Variants in CRCP observed in about 807,000 individuals in gnomAD.
CRCP encodes the protein CGRP receptor component, also known as DNA-directed RNA polymerase III subunit RPC9.
CRCP carries 18 observed loss-of-function variants against 18.5 expected under a neutral mutation model. That is an observed-to-expected ratio of 0.97 (90% confidence interval 0.67 to 1.44). The LOEUF is 1.44. Among genes scored for constraint, CRCP ranks in the 40% most tolerant of loss-of-function variants. CRCP has a pLI of 0.00. For missense variants in CRCP, 130 were observed against 176.4 expected, an observed-to-expected ratio of 0.74 and a Z score of 1.49; for synonymous variants, 53 against 62.9, an observed-to-expected ratio of 0.84 and a Z score of 0.75.
chr7:66,146,358 T>C (rs185562287), intron 5 of CRCP, among the ~76,000 whole-genome samples: 359 of 152,084 alleles, frequency 2.4e-3, no homozygotes, highest in Non-Finnish European at 3.6e-3. Context: ...GGGCCACCAC[T>C]GGGCACGCTG....
chr7:66,148,779 C>T (rs531128823), intron 5 of CRCP, among the ~76,000 whole-genome samples: 187 of 152,360 alleles, frequency 1.2e-3, no homozygotes, highest in African/African-American at 3.6e-3. Flanking sequence ...TTAGTGATTT[C>T]GTGATTATGA....
intron 5 of CRCP, among the ~76,000 whole-genome samples, chr7:66,147,425 G>T (rs1056510740): frequency 6.6e-6 from 1 of 151,932 alleles, no homozygotes; most frequent in African/African-American, 2.4e-5. Context: ...CTGTCACTTC[G>T]AATGCCCGCC....
In CRCP at chr7:66,153,476, A is replaced by G. The variant is rs1056321519; in HGVS notation, c.*1119A>G. ...ATATTAAGATGATTACCATGTGAAAACCTTTTTAATATTCAGGATTTGGAA... is the reference window on the plus strand; with the variant it reads ...ATATTAAGATGATTACCATGTGAAAGCCTTTTTAATATTCAGGATTTGGAA... On this transcript the variant is annotated 3_prime_UTR_variant, in exon 6 of 6. Transcript: ENST00000395326. The G allele has an allele frequency of 2.0e-5, 3 of 151,880 alleles. No homozygotes were observed. Among genetic ancestry groups the G allele is most frequent in the Admixed American group, 6.6e-5 (1 of 15,230 alleles). 9.4% of individuals were successfully genotyped at this position (151,880 alleles called of 1,614,324 possible).
intron 4 of CRCP, among the ~76,000 whole-genome samples, chr7:66,141,374 C>T (rs1270088308): frequency 3.3e-5 from 5 of 152,044 alleles, no homozygotes; most frequent in East Asian, 1.9e-4. Context: ...CCTCGCCCAC[C>T]CTGCTGCCCG....
intron 1 of CRCP, among the ~76,000 whole-genome samples, chr7:66,115,715 T>C (rs1787239768): frequency 6.6e-6 from 1 of 152,220 alleles, no homozygotes; most frequent in Admixed American, 6.6e-5. Flanking sequence ...TGTGTTCTCT[T>C]TGAACTGATT....
At position 66,154,177 on chromosome 7, in the gene CRCP, CTCTCT is replaced by C. The variant is rs1788547333; in HGVS notation, c.*1822_*1826del. On this transcript the variant is annotated 3_prime_UTR_variant, in exon 6 of 6. Transcript: ENST00000395326. Reference sequence around the variant, plus strand: ...GTGCCAATCTGTCTCATTGTTGTCTCTCTCTTTTTTTTTTTTTTTTTTGAGACAGT... The same window carrying C: ...GTGCCAATCTGTCTCATTGTTGTCTCTTTTTTTTTTTTTTTTTGAGACAGT... 2 of 135,740 alleles carry C rather than the reference CTCTCT, an allele frequency of 1.5e-5. No individual in the cohort carries two copies. Among genetic ancestry groups the C allele is most frequent in the South Asian group, 2.3e-4 (1 of 4,384 alleles). 8.4% of individuals were successfully genotyped at this position (135,740 alleles called of 1,614,324 possible). A position where few individuals can be genotyped will look rare whatever the true frequency, so the allele number is the denominator to read the frequency against.
chr7:66,123,449 C>A (rs545683409), intron 1 of CRCP, among the ~76,000 whole-genome samples: 33 of 152,226 alleles, frequency 2.2e-4, no homozygotes, highest in African/African-American at 7.7e-4. Flanking sequence ...GTTCTAATAG[C>A]TCTAAAAAAC....
intron 4 of CRCP, among the ~76,000 whole-genome samples, chr7:66,135,835 C>T (rs1462459126): frequency 5.3e-5 from 8 of 152,034 alleles, no homozygotes; most frequent in South Asian, 2.1e-4. Flanking sequence ...GCAGGAGAAT[C>T]GCTTGAACCT....
intron 3 of CRCP, among the ~76,000 whole-genome samples, chr7:66,132,693 A>G (rs1027917830): frequency 6.6e-6 from 1 of 152,082 alleles, no homozygotes; most frequent in Admixed American, 6.6e-5. Flanking sequence ...AGGCAGGCGG[A>G]TCACAAGGTC....
intron 4 of CRCP, among the ~76,000 whole-genome samples, chr7:66,142,753 T>C (rs1165573475): frequency 6.6e-6 from 1 of 152,184 alleles, no homozygotes; most frequent in Non-Finnish European, 1.5e-5. Flanking sequence ...TACTTTAGCC[T>C]CCCAAAGTGT....
At chr7:66,142,829 G>A (rs1242480831) in intron 4 of CRCP, among the ~76,000 whole-genome samples, 1 of 152,014 alleles carries the variant, frequency 6.6e-6, no homozygotes, top group African/African-American at 2.4e-5. Flanking sequence ...GCACTTTATG[G>A]TGTTCTGTCC....
In CRCP at chr7:66,114,887, T is replaced by C. The variant is rs780004173; in HGVS notation, c.-76T>C. ...GCGCGGAGCTGGCACCTTGGCGCTG[T>C]TGGTGGCGGCGGAGACAGCTGTGAA... is the stretch of plus-strand genomic sequence containing the variant. On this transcript the variant is annotated 5_prime_UTR_variant, in exon 1 of 6. Coordinates refer to ENST00000395326, the MANE Select transcript of CRCP (RefSeq NM_014478.5). The C allele has an allele frequency of 1.2e-6, 2 of 1,608,650 alleles. No homozygotes were observed. Among genetic ancestry groups the C allele is most frequent in the Non-Finnish European group, 8.5e-7 (1 of 1,175,814 alleles).
chr7:66,137,235 A>T (rs866553271), intron 4 of CRCP, among the ~76,000 whole-genome samples: 4 of 152,142 alleles, frequency 2.6e-5, no homozygotes, highest in Non-Finnish European at 5.9e-5. Flanking sequence ...TTTGCGTGCT[A>T]TTGTAAATGG....
chr7:66,134,352 T>A lies in CRCP; in HGVS notation c.217T>A (p.Leu73Met). The change falls in exon 4 of 6, where the codon TTG becomes ATG. Residue 73 changes from leucine (L) to methionine (M), a missense_variant. Transcript: ENST00000395326. ...AATTGTCAGAGAATTTCTCACAGCA[T>A]TGAAAAGCCACAAGTTGACCAAGTA... ...PEIVREFLTA[L>M]KSHKLTKAEK... 1 of 1,610,588 alleles carries A rather than the reference T, an allele frequency of 6.2e-7. No homozygotes were observed. Among genetic ancestry groups the A allele is most frequent in the Non-Finnish European group, 8.5e-7 (1 of 1,178,534 alleles).
At chr7:66,138,005 T>G (rs1788018957) in intron 4 of CRCP, among the ~76,000 whole-genome samples, 1 of 152,230 alleles carries the variant, frequency 6.6e-6, no homozygotes, top group Non-Finnish European at 1.5e-5. Context: ...TTTCTTTTCC[T>G]CTCTATTCCT....
chr7:66,129,035 T>TA (rs1256841472), intron 2 of CRCP, among the ~76,000 whole-genome samples: 1 of 151,794 alleles, frequency 6.6e-6, no homozygotes, highest in African/African-American at 2.4e-5. Context: ...CCCCAGCTCT[T>TA]AAAAAAATAA....
In CRCP at chr7:66,133,090, C is replaced by T. The variant is rs1315050708; in HGVS notation, c.145-1190C>T. On this transcript the variant is annotated intron_variant, in intron 3 of 5. Coordinates refer to ENST00000395326, the MANE Select transcript of CRCP (RefSeq NM_014478.5). The stretch of plus-strand genomic sequence containing the variant: ...AAAATATTTTGTGGGAGATGCTTTG[C>T]GGCTAGGAAAACAGCCTACCCTTTG... Among the ~76,000 whole-genome samples the T allele has an allele frequency of 9.2e-5, 14 of 152,024 alleles. No homozygotes were observed. The East Asian group carries it at 1.2e-3, about 13-fold the overall frequency.
chr7:66,117,703 A>T (rs1035875451), intron 1 of CRCP, among the ~76,000 whole-genome samples: 2 of 152,198 alleles, frequency 1.3e-5, no homozygotes, highest in African/African-American at 4.8e-5. Context: ...TGATTGGAAC[A>T]TGTCGCTCCT....
At chr7:66,123,950 CAGG>C (rs1193049136) in intron 1 of CRCP, among the ~76,000 whole-genome samples, 3 of 140,472 alleles carry the variant, frequency 2.1e-5, no homozygotes. Flanking sequence ...GAGGCTGAGG[CAGG>C]AGAATGGCGT....
Sources: gnomAD v4.1 joint callset for allele counts (sites outside exome capture counted in the v4.1 genomes callset) on GRCh38, gnomAD v4.1.1 for gene constraint, MANE v1.5 for transcripts, NCBI Gene and HGNC (gene_info 2026-07-23, HGNC 2026-07-21) for gene names.